Variants in CHRM3 observed in about 807,000 individuals in gnomAD.
CHRM3 encodes the protein cholinergic receptor muscarinic 3.
Under a neutral mutation model 41.8 loss-of-function variants are expected in CHRM3, and 11 were observed. That is an observed-to-expected ratio of 0.26 (90% CI 0.17 to 0.44). CHRM3 has a LOEUF of 0.44. CHRM3 is among the 20% of genes least tolerant of loss of function. CHRM3 has a pLI of 1.00. For missense variants in CHRM3, 571 were observed against 745.4 expected, an observed-to-expected ratio of 0.77 and a Z score of 2.72; for synonymous variants, 297 against 301.4, an observed-to-expected ratio of 0.99 and a Z score of 0.15.
chr1:239,761,391 C>A (rs1666758662), intron 5 of CHRM3, among the ~76,000 whole-genome samples: 1 of 152,086 alleles, frequency 6.6e-6, no homozygotes, highest in Admixed American at 6.5e-5. Flanking sequence ...GATTCTTTTT[C>A]TCTTTATGTG....
chr1:239,747,818 G>A (rs1256900087), intron 5 of CHRM3, among the ~76,000 whole-genome samples: 5 of 152,114 alleles, frequency 3.3e-5, no homozygotes, highest in Non-Finnish European at 5.9e-5. Context: ...AATCACTTGA[G>A]GCCAAGAGTT....
At chr1:239,691,648 G>A (rs1270839734) in intron 5 of CHRM3, among the ~76,000 whole-genome samples, 1 of 152,114 alleles carries the variant, frequency 6.6e-6, no homozygotes, top group Non-Finnish European at 1.5e-5. Flanking sequence ...GTTATATATT[G>A]TTCCTACGGA....
Position 239,883,990 on chromosome 1 carries a change from C to A in CHRM3, c.-19-23443C>A, listed in dbSNP as rs372050604. 2.2e-4 allele frequency among the ~76,000 whole-genome samples: 33 copies of A among 152,258 alleles called. 4 individuals are homozygous for A. The highest frequency in any genetic ancestry group is 1.7e-3 in the South Asian group (8 of 4,826). The stretch of plus-strand genomic sequence containing the variant: ...ATATATTTATCGTATGAAAAGAGAA[C>A]CCCAACAAACACCCACACACATCAG... On this transcript the variant is annotated intron_variant, in intron 6 of 6. Coordinates refer to ENST00000676153, the MANE Select transcript of CHRM3 (RefSeq NM_001375978.1).
At chr1:239,440,197 C>CAAAAAAAAAAA (rs1281168939) in intron 1 of CHRM3, among the ~76,000 whole-genome samples, 2 of 62,316 alleles carry the variant, frequency 3.2e-5, no homozygotes, top group African/African-American at 1.1e-4. Context: ...GACTCTGTCT[C>CAAAAAAAAAAA]AAAAAAAAAA....
intron 2 of CHRM3, among the ~76,000 whole-genome samples, chr1:239,521,063 T>C (rs544041006): frequency 2.6e-5 from 4 of 152,222 alleles, no homozygotes; most frequent in Non-Finnish European, 5.9e-5. Context: ...TTTTAGAATA[T>C]ATTTTATTAT....
chr1:239,899,728 A>C (rs535509836), intron 6 of CHRM3: 3 of 152,116 alleles, frequency 2.0e-5, no homozygotes, highest in Non-Finnish European at 4.4e-5. Flanking sequence ...ATACACACAG[A>C]TGTAACTTCC....
At chr1:239,583,644 C>A (rs2148601519) in intron 3 of CHRM3, among the ~76,000 whole-genome samples, 2 of 152,284 alleles carry the variant, frequency 1.3e-5, no homozygotes, top group South Asian at 4.2e-4. Flanking sequence ...TCTCCCTTTT[C>A]TCCTTCCCCA....
intron 3 of CHRM3, among the ~76,000 whole-genome samples, chr1:239,596,500 A>G (rs1280446395): frequency 2.0e-5 from 3 of 152,200 alleles, no homozygotes; most frequent in African/African-American, 7.2e-5. Flanking sequence ...TTGTTTTACT[A>G]TTTGAAGAAT....
intron 5 of CHRM3, among the ~76,000 whole-genome samples, chr1:239,724,858 C>T (rs1372809658): frequency 1.3e-5 from 2 of 151,886 alleles, no homozygotes; most frequent in Admixed American, 1.3e-4. Context: ...GTTTTACCAT[C>T]TAAATATGGT....
At chr1:239,508,435 T>C (rs1277887103) in intron 2 of CHRM3, among the ~76,000 whole-genome samples, 1 of 152,200 alleles carries the variant, frequency 6.6e-6, no homozygotes, top group Non-Finnish European at 1.5e-5. Flanking sequence ...CATCACTAGA[T>C]CTATTCTGGT....
At chr1:239,686,483 C>G (rs1200292482) in intron 5 of CHRM3, among the ~76,000 whole-genome samples, 2 of 152,140 alleles carry the variant, frequency 1.3e-5, no homozygotes, top group Non-Finnish European at 2.9e-5. Flanking sequence ...GATGCCTATC[C>G]CTCCTTCTGC....
intron 6 of CHRM3, among the ~76,000 whole-genome samples, chr1:239,865,322 A>C (rs1218341321): frequency 6.6e-6 from 1 of 152,262 alleles, no homozygotes; most frequent in African/African-American, 2.4e-5. Flanking sequence ...AGGAATCTTA[A>C]GACATTGGTT....
intron 5 of CHRM3, among the ~76,000 whole-genome samples, chr1:239,735,745 G>A (rs188526100): frequency 2.6e-5 from 4 of 152,140 alleles, no homozygotes; most frequent in Non-Finnish European, 4.4e-5. Context: ...GTGCCACCTG[G>A]AGAAAAATCT....
chr1:239,399,063 T>C (rs1225319740), intron 1 of CHRM3, among the ~76,000 whole-genome samples: 2 of 152,166 alleles, frequency 1.3e-5, no homozygotes, highest in Admixed American at 1.3e-4. Context: ...GGAACCACCA[T>C]GGGCAAAGAA....
chr1:239,840,641 TTC>T (rs746609832), intron 6 of CHRM3, among the ~76,000 whole-genome samples: 39 of 152,190 alleles, frequency 2.6e-4, no homozygotes, highest in Non-Finnish European at 4.4e-4. Flanking sequence ...CTGGCCTTTA[TTC>T]TGAGATAAAG....
At position 239,913,522 on chromosome 1, in the gene CHRM3, G is replaced by A. The variant is rs544102804; in HGVS notation, c.*4298G>A. The stretch of plus-strand genomic sequence containing the variant: ...CGCTTAAGTTACACTCTCTTCTCCT[G>A]TTCTGATGACTCTAAATCTTCAGCC... On this transcript the variant is annotated 3_prime_UTR_variant, in exon 7 of 7. Coordinates refer to ENST00000676153, the MANE Select transcript of CHRM3 (RefSeq NM_001375978.1). The A allele has an allele frequency of 1.8e-5, 3 of 166,968 alleles. No homozygotes were observed. Among genetic ancestry groups the A allele is most frequent in the African/African-American group, 7.2e-5 (3 of 41,566 alleles). The allele number at this position is 166,968 out of a possible 1,614,324, so 10.3% of individuals were successfully genotyped here. A position where few individuals can be genotyped will look rare whatever the true frequency, so the allele number is the denominator to read the frequency against.
At chr1:239,724,935 AC>A (rs1663297943) in intron 5 of CHRM3, among the ~76,000 whole-genome samples, 1 of 151,700 alleles carries the variant, frequency 6.6e-6, no homozygotes, top group African/African-American at 2.4e-5. Context: ...TACAGTCATG[AC>A]CCACCCCACC....
At chr1:239,542,724 T>C (rs962993228) in intron 2 of CHRM3, among the ~76,000 whole-genome samples, 9 of 152,192 alleles carry the variant, frequency 5.9e-5, no homozygotes, top group African/African-American at 2.2e-4. Flanking sequence ...TAAGATGCAA[T>C]GAAATGGGCA....
At chr1:239,789,904 A>T (rs543801075) in intron 5 of CHRM3, among the ~76,000 whole-genome samples, 7 of 152,320 alleles carry the variant, frequency 4.6e-5, no homozygotes, top group Non-Finnish European at 8.8e-5. Context: ...AAGAATAGTT[A>T]AGATCAGAGA....
Sources: allele counts gnomAD v4.1 joint callset (sites outside exome capture counted in the v4.1 genomes callset), GRCh38; gene constraint gnomAD v4.1.1; transcripts MANE v1.5; gene names NCBI Gene and HGNC (gene_info 2026-07-23, HGNC 2026-07-21).